Variants in ZNF331 observed in about 807,000 individuals in gnomAD.
ZNF331 encodes C2H2-like zinc finger protein rearranged in thyroid adenomas.
In ZNF331, 2 loss-of-function variants were observed where a neutral mutation model predicts 7.0. The observed-to-expected ratio is 0.29, with a 90% CI of 0.12 to 0.90. The LOEUF (loss-of-function observed/expected upper bound fraction) is 0.90. Ranked by LOEUF, ZNF331 falls within the 40% of genes least tolerant of loss-of-function variation. The pLI, the probability that ZNF331 is intolerant of heterozygous loss-of-function variation, is 0.58. For missense variants in ZNF331, 432 were observed against 587.7 expected (o/e 0.74, Z 2.74); for synonymous variants, 196 against 205.4 (o/e 0.95, Z 0.39).
chr19:53,540,166 A>C (rs1338910887), intron 2 of ZNF331, among the ~76,000 whole-genome samples: 3 of 152,156 alleles, frequency 2.0e-5, no homozygotes, highest in Non-Finnish European at 2.9e-5. Context: ...TGTGTTTTGC[A>C]CACACTCCTT....
intron 4 of ZNF331, among the ~76,000 whole-genome samples, chr19:53,569,945 C>T (rs1008519980): frequency 1.3e-5 from 2 of 151,960 alleles, no homozygotes; most frequent in African/African-American, 4.8e-5. Context: ...AGTCATCTGA[C>T]ATCCTTATCC....
At chr19:53,531,029 T>A (rs1446607732) in intron 2 of ZNF331, among the ~76,000 whole-genome samples, 4 of 152,124 alleles carry the variant, frequency 2.6e-5, no homozygotes, top group African/African-American at 9.7e-5. Flanking sequence ...GTCATAGATA[T>A]GGCCTGAGGG....
At chr19:53,544,295 C>A (rs1053207283) in intron 2 of ZNF331, among the ~76,000 whole-genome samples, 1 of 151,074 alleles carries the variant, frequency 6.6e-6, no homozygotes, top group Non-Finnish European at 1.5e-5. Flanking sequence ...CCTGTAATCC[C>A]AGCACTTTGG....
At position 53,577,748 on chromosome 19, in the gene ZNF331, G is replaced by T; in HGVS notation, c.1188G>T (p.Ser396=). The T allele has an allele frequency of 6.2e-7, 1 of 1,613,876 alleles. No homozygotes were observed. The highest frequency in any genetic ancestry group is 8.5e-7 in the Non-Finnish European group (1 of 1,179,800). Residue 396 remains serine, a synonymous_variant, in exon 6 of 6, where the codon TCG becomes TCT. Transcript: ENST00000449416. ...GTGGGAAGGCTTTCATTTATGGATC[G>T]AGCCTCGTGAAACATGAGAGAATTC... is the stretch of plus-strand genomic sequence containing the variant. ...KECGKAFIYG[S]SLVKHERIHT...
chr19:53,530,195 A>C (rs1020508500), intron 2 of ZNF331, among the ~76,000 whole-genome samples: 8 of 152,114 alleles, frequency 5.3e-5, no homozygotes, highest in African/African-American at 1.7e-4. Context: ...ATGTACTTTT[A>C]AATGACCAGA....
chr19:53,505,418 C>T, the ZNF331 span, among the ~76,000 whole-genome samples: 1 of 152,130 alleles, frequency 6.6e-6, no homozygotes, highest in Non-Finnish European at 1.5e-5. Context: ...AGGCTGGTCT[C>T]GAGCTCCTGG....
chr19:53,520,369 A>C (rs899665476), upstream of ZNF331, among the ~76,000 whole-genome samples: 2 of 152,084 alleles, frequency 1.3e-5, no homozygotes, highest in African/African-American at 4.8e-5. Context: ...TCCCAGAAGG[A>C]CGCGGGGACA....
rs752081906 is a variant in ZNF331 at position 53,578,777 on chromosome 19, G to T, written c.*825G>T. 8.3e-5 allele frequency: 17 copies of T among 205,098 alleles called. No individual in the cohort carries two copies. Among genetic ancestry groups the T allele is most frequent in the South Asian group, 5.7e-4 (3 of 5,240 alleles). The allele number at this position is 205,098 out of a possible 1,614,324, so 12.7% of individuals were successfully genotyped here. A position where few individuals can be genotyped will look rare whatever the true frequency, so the allele number is the denominator to read the frequency against. Reference sequence around the variant, plus strand: ...AATTCCTGGTACAGTTTAACGTAAGGCTTCACTGATCACTGTTGTTTTTGT... The same window carrying T: ...AATTCCTGGTACAGTTTAACGTAAGTCTTCACTGATCACTGTTGTTTTTGT... On this transcript the variant is annotated 3_prime_UTR_variant, in exon 6 of 6. Coordinates refer to ENST00000449416, the MANE Select transcript of ZNF331 (RefSeq NM_001079906.2).
the ZNF331 span, among the ~76,000 whole-genome samples, chr19:53,505,166 T>A: frequency 3.3e-5 from 5 of 152,156 alleles, no homozygotes; most frequent in Non-Finnish European, 7.4e-5. Context: ...AGTCTTTTTT[T>A]TCTGTACCTT....
At chr19:53,552,824 T>TA (rs915375250) in intron 2 of ZNF331, among the ~76,000 whole-genome samples, 3 of 152,134 alleles carry the variant, frequency 2.0e-5, no homozygotes, top group Admixed American at 6.6e-5. Context: ...ACCACAAACT[T>TA]AAAAAATCTT....
At position 53,578,227 on chromosome 19, in the gene ZNF331, G is replaced by A; in HGVS notation, c.*275G>A. Reference sequence around the variant, plus strand: ...GACTTAGTAGCCGTCTTGGTGATCAGATCAACTATCCCAGCATCACAGTGC... The same window carrying A: ...GACTTAGTAGCCGTCTTGGTGATCAAATCAACTATCCCAGCATCACAGTGC... On this transcript the variant is annotated 3_prime_UTR_variant, in exon 6 of 6. Coordinates refer to ENST00000449416, the MANE Select transcript of ZNF331 (RefSeq NM_001079906.2). 1 of 411,436 alleles carries A rather than the reference G, an allele frequency of 2.4e-6. No individual in the cohort carries two copies. Among genetic ancestry groups the A allele is most frequent in the African/African-American group, 1.9e-5 (1 of 51,330 alleles). 25.5% of individuals were successfully genotyped at this position (411,436 alleles called of 1,614,324 possible).
the ZNF331 span, among the ~76,000 whole-genome samples, chr19:53,508,095 G>C: frequency 6.6e-6 from 1 of 152,178 alleles, no homozygotes; most frequent in African/African-American, 2.4e-5. Flanking sequence ...CCGTGATTTA[G>C]GAGTCCATGG....
upstream of ZNF331, among the ~76,000 whole-genome samples, chr19:53,514,702 G>C (rs2086859612): frequency 1.6e-5 from 2 of 122,396 alleles, no homozygotes; most frequent in African/African-American, 6.2e-5. Context: ...CCAGGCTGGA[G>C]TGCAGTGGCG....
chr19:53,566,537 C>T (rs963752547), intron 3 of ZNF331, among the ~76,000 whole-genome samples: 12 of 152,136 alleles, frequency 7.9e-5, no homozygotes, highest in Non-Finnish European at 1.3e-4. Context: ...TCTGGACTCC[C>T]GGAGGAAACC....
intron 3 of ZNF331, among the ~76,000 whole-genome samples, chr19:53,563,219 C>T (rs1429961344): frequency 1.3e-5 from 2 of 151,416 alleles, no homozygotes; most frequent in African/African-American, 4.8e-5. Flanking sequence ...TCCCAAGAAG[C>T]TGGTATTACA....
intron 2 of ZNF331, among the ~76,000 whole-genome samples, chr19:53,550,624 C>A (rs1376300338): frequency 2.0e-4 from 30 of 147,098 alleles, no homozygotes; most frequent in African/African-American, 7.5e-4. Flanking sequence ...GCAACTTCCG[C>A]CTCCCAAGTT....
chr19:53,554,356 G>T (rs1029108344), intron 2 of ZNF331, among the ~76,000 whole-genome samples: 1 of 152,202 alleles, frequency 6.6e-6, no homozygotes, highest in African/African-American at 2.4e-5. Context: ...TTGGGGGTCT[G>T]TGTGCGCGTA....
rs145418753 is a variant in ZNF331, at chr19:53,553,368, G to A, written c.-137-2477G>A. 6.1e-3 allele frequency among the ~76,000 whole-genome samples: 926 copies of A among 151,980 alleles called. 3 individuals carry two copies. Among genetic ancestry groups the A allele is most frequent in the African/African-American group, 0.019 (805 of 41,452 alleles). On this transcript the variant is annotated intron_variant, in intron 2 of 5. Coordinates refer to ENST00000449416, the MANE Select transcript of ZNF331 (RefSeq NM_001079906.2). ...ATGATGTCATTGTGAATGTCCTGGC[G>A]GTGATATTATACTGTATACTATAAT...
upstream of ZNF331, among the ~76,000 whole-genome samples, chr19:53,517,672 C>T (rs959552802): frequency 2.6e-5 from 4 of 152,106 alleles, no homozygotes; most frequent in Non-Finnish European, 4.4e-5. Context: ...TTGGCTCACA[C>T]GATCACAAGG....
Sources: gnomAD v4.1 joint callset for allele counts (sites outside exome capture counted in the v4.1 genomes callset) on GRCh38, gnomAD v4.1.1 for gene constraint, MANE v1.5 for transcripts, NCBI Gene and HGNC (gene_info 2026-07-23, HGNC 2026-07-21) for gene names.